The following STPG2 variants were observed in gnomAD, a reference collection of about 807,000 sequenced individuals.
STPG2 encodes the protein sperm tail PG-rich repeat containing 2.
In STPG2, 56 loss-of-function variants were observed where a neutral mutation model predicts 54.2. The ratio of observed to expected loss-of-function variants is 1.03; its 90% CI spans 0.83 to 1.29. The LOEUF is 1.29. Ranked by LOEUF, STPG2 falls within the 50% of genes most tolerant of loss-of-function variation. The pLI is 0.00. For missense variants in STPG2, 596 were observed against 544.9 expected (o/e 1.09, Z -0.93); for synonymous variants, 200 against 181.8 (o/e 1.10, Z -0.81).
intron 9 of STPG2, among the ~76,000 whole-genome samples, chr4:97,763,776 T>G (rs1042381814): frequency 1.3e-5 from 2 of 152,214 alleles, no homozygotes; most frequent in Non-Finnish European, 2.9e-5. Context: ...TATGCAAATG[T>G]TGCTGATTAC....
At chr4:97,804,359 C>T (rs1194035672) in intron 9 of STPG2, among the ~76,000 whole-genome samples, 1 of 152,054 alleles carries the variant, frequency 6.6e-6, no homozygotes, top group Non-Finnish European at 1.5e-5. Context: ...TAGTGACATA[C>T]TGATTATCCT....
intron 5 of STPG2, among the ~76,000 whole-genome samples, chr4:98,017,294 T>C (rs7696686): frequency 0.39 from 60,033 of 152,186 alleles, 12,081 homozygotes; most frequent in Middle Eastern, 0.46. Flanking sequence ...GTTACTTGCC[T>C]GTAAGGGCAG....
At chr4:97,587,384 T>A (rs1056019663) in intron 10 of STPG2, among the ~76,000 whole-genome samples, 1 of 152,036 alleles carries the variant, frequency 6.6e-6, no homozygotes, top group Non-Finnish European at 1.5e-5. Context: ...ATTCTAAAGA[T>A]AACATTCAAT....
intron 8 of STPG2, among the ~76,000 whole-genome samples, chr4:97,904,097 C>A (rs1731294864): frequency 2.0e-5 from 3 of 152,346 alleles, no homozygotes; most frequent in East Asian, 1.9e-4. Context: ...TGGAGCCCAC[C>A]ACAGCTGAAG....
chr4:97,742,115 A>C (rs1372605748), intron 9 of STPG2, among the ~76,000 whole-genome samples: 2 of 151,868 alleles, frequency 1.3e-5, no homozygotes, highest in South Asian at 2.1e-4. Context: ...ATCGCAAGAA[A>C]AAAAAACCAA....
At chr4:97,783,840 G>A (rs915585732) in intron 9 of STPG2, among the ~76,000 whole-genome samples, 17 of 151,826 alleles carry the variant, frequency 1.1e-4, no homozygotes, top group South Asian at 2.1e-4. Context: ...ACCAAACACC[G>A]CATGTTCTCA....
chr4:97,918,754 G>C (rs995300074), intron 8 of STPG2, among the ~76,000 whole-genome samples: 5 of 152,028 alleles, frequency 3.3e-5, no homozygotes, highest in African/African-American at 1.2e-4. Flanking sequence ...TTATAAGTAG[G>C]AGTTAAGCTA....
intron 4 of STPG2, among the ~76,000 whole-genome samples, chr4:97,444,340 A>G (rs551818572): frequency 6.6e-6 from 1 of 152,312 alleles, no homozygotes; most frequent in African/African-American, 2.4e-5. Context: ...AAGGTAGGAA[A>G]ATCTAAGAGG....
At chr4:97,465,027 C>T (rs1478844302) in intron 4 of STPG2, among the ~76,000 whole-genome samples, 1 of 152,096 alleles carries the variant, frequency 6.6e-6, no homozygotes, top group African/African-American at 2.4e-5. Context: ...AATGGTTACT[C>T]TTCTCTCCCT....
Position 97,852,623 on chromosome 4 carries a change from T to A in STPG2, c.1045-11691A>T, listed in dbSNP as rs902710782. On this transcript the variant is annotated intron_variant, in intron 8 of 10. Transcript: ENST00000295268. ...GATCCAGCCTTGCTTTTCTAAGTTA[T>A]AAATATCTCAGCATCCCATTACCTA... Among the ~76,000 whole-genome samples the A allele has an allele frequency of 2.6e-5, 4 of 152,318 alleles. No homozygotes were observed. In the South Asian group the frequency reaches 8.3e-4, roughly 32 times the overall value.
At chr4:97,557,415 T>C (rs138810912), downstream of STPG2, among the ~76,000 whole-genome samples, 123 of 152,284 alleles carry the variant, frequency 8.1e-4, 1 homozygote, top group East Asian at 6.4e-3. Context: ...ATAAGATGTA[T>C]AGTATCTATC....
intron 8 of STPG2, among the ~76,000 whole-genome samples, chr4:97,843,587 A>G (rs1006184020): frequency 6.6e-6 from 1 of 151,860 alleles, no homozygotes; most frequent in Non-Finnish European, 1.5e-5. Flanking sequence ...CCCTTGCCTG[A>G]AGAGAGATGC....
At chr4:97,841,985 C>G (rs1728813669) in intron 8 of STPG2, among the ~76,000 whole-genome samples, 2 of 151,776 alleles carry the variant, frequency 1.3e-5, no homozygotes, top group Non-Finnish European at 2.9e-5. Context: ...TTTGAGCTAA[C>G]AGGGAAGTAT....
chr4:97,562,426 C>G (rs903244853), intron 10 of STPG2, among the ~76,000 whole-genome samples: 1 of 152,042 alleles, frequency 6.6e-6, no homozygotes, highest in African/African-American at 2.4e-5. Context: ...AATTGAATAC[C>G]CTTTATTTCC....
chr4:97,589,110 A>G (rs760245542), intron 10 of STPG2, among the ~76,000 whole-genome samples: 14 of 152,058 alleles, frequency 9.2e-5, no homozygotes, highest in Non-Finnish European at 1.8e-4. Context: ...ATAGATATCT[A>G]TGTGTTAATA....
At chr4:97,917,375 G>T (rs1239552702) in intron 8 of STPG2, 3 of 152,220 alleles carry the variant, frequency 2.0e-5, no homozygotes, top group Non-Finnish European at 4.4e-5. Flanking sequence ...ACTGAGAGAG[G>T]CACTGCCTGC....
chr4:97,931,936 G>C (rs765568750), intron 8 of STPG2, among the ~76,000 whole-genome samples: 12 of 151,992 alleles, frequency 7.9e-5, no homozygotes, highest in Non-Finnish European at 1.5e-4. Context: ...TTATTGGTCT[G>C]TGCAGGGAAT....
intron 8 of STPG2, among the ~76,000 whole-genome samples, chr4:97,941,296 G>C (rs1057453056): frequency 6.6e-6 from 1 of 151,870 alleles, no homozygotes; most frequent in African/African-American, 2.4e-5. Flanking sequence ...AAAGGACATA[G>C]GTATTTTTAT....
At chr4:97,608,798 G>A (rs7657536) in intron 10 of STPG2, among the ~76,000 whole-genome samples, 2,804 of 152,068 alleles carry the variant, frequency 0.018, 80 homozygotes, top group African/African-American at 0.063. Flanking sequence ...TTTTATCTAG[G>A]CATTCCTGCA....
Sources: allele counts gnomAD v4.1 joint callset (sites outside exome capture counted in the v4.1 genomes callset), GRCh38; gene constraint gnomAD v4.1.1; transcripts MANE v1.5; gene names NCBI Gene and HGNC (gene_info 2026-07-23, HGNC 2026-07-21).